The following PNPLA7 variants were observed in gnomAD, a reference collection of about 807,000 sequenced individuals.
PNPLA7 encodes the protein patatin-like phospholipase domain-containing protein 7.
In PNPLA7, 153 loss-of-function variants were observed where a neutral mutation model predicts 161.7. The observed-to-expected ratio is 0.95, with a 90% confidence interval of 0.83 to 1.08. The LOEUF (loss-of-function observed/expected upper bound fraction) is 1.08, where lower values mean the gene tolerates loss of function less well. Ranked by LOEUF, PNPLA7 falls within the 50% of genes least tolerant of loss-of-function variation. The pLI, the probability that PNPLA7 is intolerant of heterozygous loss-of-function variation, is 0.00. For synonymous variants in PNPLA7, 809 were observed against 782.1 expected, an observed-to-expected ratio of 1.03 and a Z score of -0.57; for missense variants, 1,739 against 1,856.6, an observed-to-expected ratio of 0.94 and a Z score of 1.16.
intron 30 of PNPLA7, 132 bp from the exon 31 acceptor site, chr9:137,462,463 A>C (rs1588524923): frequency 6.9e-7 from 1 of 1,443,520 alleles, no homozygotes. Flanking sequence ...GGGTAGCAGC[A>C]CCCGGCCGGG....
chr9:137,530,009 GGC>G (rs1465970077), intron 8 of PNPLA7, among the ~76,000 whole-genome samples: 1 of 151,290 alleles, frequency 6.6e-6, no homozygotes, highest in East Asian at 1.9e-4. Context: ...CTGTTTCCCA[GGC>G]TGTGGTGCAG....
chr9:137,518,687 C>G (rs565098850), intron 11 of PNPLA7, among the ~76,000 whole-genome samples: 1 of 87,034 alleles, frequency 1.1e-5, no homozygotes, highest in South Asian at 5.5e-4. Flanking sequence ...CATCCTCACT[C>G]ACTCACTCCA....
intron 9 of PNPLA7, among the ~76,000 whole-genome samples, chr9:137,522,266 G>A (rs1039869810): frequency 2.0e-5 from 3 of 151,190 alleles, no homozygotes; most frequent in East Asian, 2.0e-4. Context: ...AGCAGAGACG[G>A]GGTTTCACCG....
At chr9:137,521,515 G>T in intron 10 of PNPLA7, 121 bp downstream of exon 10, 2 of 909,006 alleles carry the variant, frequency 2.2e-6, no homozygotes, top group Non-Finnish European at 3.4e-6. Context: ...CAACTGGGAA[G>T]ACCACAGCTG....
At chr9:137,464,091 C>A in intron 28 of PNPLA7, 35 bp downstream of exon 28, 1 of 1,605,962 alleles carries the variant, frequency 6.2e-7, no homozygotes, top group Non-Finnish European at 8.5e-7. Flanking sequence ...ACACCTCGCA[C>A]CCAAGCGGCC....
chr9:137,469,714 G>T (rs1390060401), intron 25 of PNPLA7, among the ~76,000 whole-genome samples: 1 of 151,996 alleles, frequency 6.6e-6, no homozygotes, highest in African/African-American at 2.4e-5. Context: ...AACTTAAAGA[G>T]CCAAAAACAA....
At chr9:137,503,228 A>G (rs1833597775) in intron 14 of PNPLA7, among the ~76,000 whole-genome samples, 2 of 151,990 alleles carry the variant, frequency 1.3e-5, no homozygotes, top group Admixed American at 1.3e-4. Context: ...CTAAAAATAC[A>G]AAACTCAGCT....
intron 26 of PNPLA7, among the ~76,000 whole-genome samples, chr9:137,466,047 G>T (rs567975528): frequency 1.3e-5 from 2 of 152,226 alleles, no homozygotes; most frequent in South Asian, 4.2e-4. Context: ...GCCCTGACCT[G>T]ATCTCACATC....
chr9:137,515,385 G>C lies in PNPLA7; in HGVS notation c.1219C>G (p.Pro407Ala), dbSNP rs201315398. The change falls in exon 12 of 35, where the codon CCA becomes GCA. Residue 407 changes from proline to alanine, a missense_variant. By Grantham distance (27) the Pro-to-Ala change is conservative. Coordinates refer to ENST00000406427, the MANE Select transcript of PNPLA7 (RefSeq NM_001098537.3). The part of the protein sequence containing the change: ...PGAGDPDPSA[P>A]QGGPGSATSD... ...AGCCGTCGAGGTTCTTTACCTTGTG[G>C]GGCCGAAGGGTCAGGGTCACCTGCC... 1.3e-4 allele frequency: 206 copies of C among 1,603,176 alleles called. No individual in the cohort carries two copies. The Admixed American group carries it at 3.5e-3, about 27-fold the overall frequency.
At chr9:137,473,452 A>G (rs980538402) in intron 25 of PNPLA7, among the ~76,000 whole-genome samples, 6 of 152,220 alleles carry the variant, frequency 3.9e-5, no homozygotes, top group Non-Finnish European at 4.4e-5. Flanking sequence ...ATAACCATAA[A>G]AAAACTGGAA....
At chr9:137,464,284 G>T in intron 27 of PNPLA7, 56 bp downstream of exon 27, 2 of 1,604,864 alleles carry the variant, frequency 1.2e-6, no homozygotes, top group South Asian at 2.2e-5. Flanking sequence ...AGAGGTGGGG[G>T]GCCAGGAGGG....
At chr9:137,525,353 A>G (rs1835245886) in intron 8 of PNPLA7, among the ~76,000 whole-genome samples, 2 of 152,332 alleles carry the variant, frequency 1.3e-5, no homozygotes, top group Admixed American at 1.3e-4. Flanking sequence ...AGCTGGGCCC[A>G]GGGGACCACT....
intron 4 of PNPLA7, among the ~76,000 whole-genome samples, chr9:137,544,359 C>T (rs1217207708): frequency 6.6e-6 from 1 of 152,238 alleles, no homozygotes; most frequent in Admixed American, 6.5e-5. Context: ...CTGCCTGCTG[C>T]CCCTCGGTCC....
At chr9:137,478,802 G>A (rs1357616831) in intron 24 of PNPLA7, 15 of 441,182 alleles carry the variant, frequency 3.4e-5, no homozygotes, top group Middle Eastern at 6.3e-4. Flanking sequence ...GCCCATCCCC[G>A]GGGTTCGCTG....
intron 1 of PNPLA7, 82 bp downstream of exon 1, chr9:137,550,086 A>G (rs1836768406): frequency 6.4e-7 from 1 of 1,553,662 alleles, no homozygotes; most frequent in South Asian, 1.1e-5. Context: ...GCGGCAGAGC[A>G]GACGCCAAGA....
intron 20 of PNPLA7, chr9:137,491,469 T>A (rs1275312720): frequency 1.0e-6 from 1 of 984,962 alleles, no homozygotes; most frequent in East Asian, 1.1e-4. Flanking sequence ...ACTTCAAAAC[T>A]CACGGTGCCG....
intron 12 of PNPLA7, among the ~76,000 whole-genome samples, chr9:137,514,315 A>G (rs1368515039): frequency 3.1e-3 from 183 of 59,020 alleles, no homozygotes; most frequent in Admixed American, 4.5e-3. Flanking sequence ...GGGTCACCTG[A>G]CTGTTGAGGT....
At chr9:137,534,124 G>A (rs1372574296) in intron 8 of PNPLA7, among the ~76,000 whole-genome samples, 1 of 146,598 alleles carries the variant, frequency 6.8e-6, no homozygotes, top group African/African-American at 2.5e-5. Context: ...ACTCCAGGCG[G>A]GAGGACTCCC....
At chr9:137,496,142 T>G (rs1288327625) in intron 18 of PNPLA7, among the ~76,000 whole-genome samples, 10 of 30,318 alleles carry the variant, frequency 3.3e-4, no homozygotes, top group African/African-American at 3.8e-4. Context: ...TTTTTTTTTG[T>G]TTTTTTTTTT....
Sources: gnomAD v4.1 joint callset for allele counts (sites outside exome capture counted in the v4.1 genomes callset) on GRCh38, gnomAD v4.1.1 for gene constraint, MANE v1.5 for transcripts, NCBI Gene and HGNC (gene_info 2026-07-23, HGNC 2026-07-21) for gene names.